APBA3: variants seen among roughly 807,000 people sequenced by gnomAD.
APBA3 encodes the protein amyloid-beta A4 precursor protein-binding family A member 3.
Under a neutral mutation model 55.9 loss-of-function variants are expected in APBA3, and 45 were observed. The observed-to-expected ratio is 0.80, with a 90% CI of 0.63 to 1.03. APBA3 has a LOEUF of 1.03. Ranked by LOEUF, APBA3 falls within the 50% of genes least tolerant of loss-of-function variation. The pLI is 0.00. For synonymous variants in APBA3, 370 were observed against 353.3 expected, an observed-to-expected ratio of 1.05 and a Z score of -0.53; for missense variants, 865 against 820.3, an observed-to-expected ratio of 1.05 and a Z score of -0.67.
rs1253757902 is a variant in APBA3, at chr19:3,750,822, T to TAGTGGCTTCC, written c.*194_*203dup. ...AGAGTATTTTCACAGCACCGGCTTC[T>TAGTGGCTTCC]AGTGGCTTCCAGGAAGGACAAGGTC... is the stretch of plus-strand genomic sequence containing the variant. On this transcript the variant is annotated 3_prime_UTR_variant, in exon 11 of 11. Transcript: ENST00000316757. The TAGTGGCTTCC allele has an allele frequency of 1.4e-5, 14 of 982,064 alleles. No homozygotes were observed. Among genetic ancestry groups the TAGTGGCTTCC allele is most frequent in the Non-Finnish European group, 1.7e-5 (11 of 649,058 alleles). 60.8% of individuals were successfully genotyped at this position (982,064 alleles called of 1,614,324 possible). A position where few individuals can be genotyped will look rare whatever the true frequency, so the allele number is the denominator to read the frequency against.
intron 3 of APBA3, among the ~76,000 whole-genome samples, chr19:3,758,683 G>C (rs566082115): frequency 6.6e-6 from 1 of 152,040 alleles, no homozygotes. Flanking sequence ...TTCAACACCA[G>C]CCTGGCCAAC....
At position 3,752,890 on chromosome 19, in the gene APBA3, G is replaced by C; in HGVS notation, c.1112C>G (p.Pro371Arg). ...GIDPSQVGVH[P>R]SPGACHLHNG... ...ATGGAGGTGGCAGGCGCCTGGGCTC[G>C]GGTGCACGCCCACCTGGCTGGGGTC... The change falls in exon 7 of 11, where the codon CCG (proline) becomes CGG (arginine). Residue 371 changes from proline (P) to arginine (R), a missense_variant. Physicochemically the swap from Pro to Arg is moderately radical, Grantham distance 103. Coordinates refer to ENST00000316757, the MANE Select transcript of APBA3 (RefSeq NM_004886.4). The C allele has an allele frequency of 3.1e-6, 5 of 1,613,310 alleles. No individual in the cohort carries two copies. Among genetic ancestry groups the C allele is most frequent in the African/African-American group, 1.3e-5 (1 of 75,032 alleles).
rs760055961 is a variant in APBA3, at chr19:3,759,614, G to A, written c.577-14C>T. On this transcript the variant is annotated splice_polypyrimidine_tract_variant and intron_variant, in intron 2 of 10. Coordinates refer to ENST00000316757, the MANE Select transcript of APBA3 (RefSeq NM_004886.4). ...GGTCTCGGGGCTCTGGAAGAAGATAGAGGAGGGGCAGGACTGAGTCTCCCT... is the reference window on the plus strand; with the variant it reads ...GGTCTCGGGGCTCTGGAAGAAGATAAAGGAGGGGCAGGACTGAGTCTCCCT... The A allele has an allele frequency of 6.2e-6, 10 of 1,601,606 alleles. No individual in the cohort carries two copies. The highest frequency in any genetic ancestry group is 1.1e-5 in the South Asian group (1 of 89,984).
rs1195452033 is a variant in APBA3 at position 3,751,039 on chromosome 19, G to A, written c.1715C>T (p.Pro572Leu). Residue 572 changes from proline to leucine, a missense_variant, in exon 11 of 11, where the codon CCC (proline) becomes CTC (leucine). By Grantham distance (98) the Pro-to-Leu change is moderately conservative. Coordinates refer to ENST00000316757, the MANE Select transcript of APBA3 (RefSeq NM_004886.4). ...TYRLLTGQEQ[P>L]VYL ...GGGATGAGGTGGTCACAGGTACACG[G>A]GCTGCTCCTGGCCTGTAAGGAGGCG... The A allele has an allele frequency of 7.0e-6, 11 of 1,561,234 alleles. No homozygotes were observed. The highest frequency in any genetic ancestry group is 6.8e-5 in the African/African-American group (5 of 73,600).
At chr19:3,754,424 G>T (rs547069782) in intron 3 of APBA3, 84 bp from the exon 4 acceptor site, 1 of 1,485,842 alleles carries the variant, frequency 6.7e-7, no homozygotes, top group Admixed American at 2.7e-5. Context: ...CGAGATGGCC[G>T]GGAGACACAG....
At position 3,758,307 on chromosome 19, in the gene APBA3, G is replaced by T. The variant is rs553548288; in HGVS notation, c.616+1254C>A. Among the ~76,000 whole-genome samples the T allele has an allele frequency of 8.5e-5, 13 of 152,110 alleles. No homozygotes were observed. The East Asian group carries it at 2.5e-3, about 29-fold the overall frequency. ...CTCGCTCTGTTGCCTAGGCTGTAGTGCAGTGGCGTGGGGTGATCTCAGCTC... is the reference window on the plus strand; with the variant it reads ...CTCGCTCTGTTGCCTAGGCTGTAGTTCAGTGGCGTGGGGTGATCTCAGCTC... On this transcript the variant is annotated intron_variant, in intron 3 of 10. Coordinates refer to ENST00000316757, the MANE Select transcript of APBA3 (RefSeq NM_004886.4).
In APBA3 at chr19:3,760,128, C is replaced by T. The variant is rs201145988; in HGVS notation, c.137G>A (p.Ser46Asn). Residue 46 changes from serine to asparagine, a missense_variant, in exon 2 of 11, where the codon AGC becomes AAC. Physicochemically the swap from Ser to Asn is conservative, Grantham distance 46 (BLOSUM62 1). Coordinates refer to ENST00000316757, the MANE Select transcript of APBA3 (RefSeq NM_004886.4). ...CTCATCAAGTTCCATCCGACTGAGG[C>T]TGCCGGGGCCTCCTGGCATAGGGTC... ...QWDPMPGGPGSLSRMELDESS... is the reference protein window; with the variant it reads ...QWDPMPGGPGNLSRMELDESS... 129 of 1,613,358 alleles carry T rather than the reference C, an allele frequency of 8.0e-5. No homozygotes were observed. Among genetic ancestry groups the T allele is most frequent in the Non-Finnish European group, 8.6e-5 (102 of 1,180,048 alleles).
chr19:3,754,133 G>T, intron 4 of APBA3, 28 bp from the exon 5 acceptor site: 1 of 1,568,738 alleles, frequency 6.4e-7, no homozygotes. Flanking sequence ...GGAGGTGGAG[G>T]CCCCCACAGA....
At chr19:3,754,552 G>C (rs994847647) in intron 3 of APBA3, 5 of 587,760 alleles carry the variant, frequency 8.5e-6, no homozygotes, top group African/African-American at 7.9e-5. Context: ...TCAAGGACTC[G>C]CAGGTGGGAA....
chr19:3,752,558 C>T lies in APBA3; in HGVS notation c.1345G>A (p.Gly449Arg), dbSNP rs199521091. ...SIGDRLTAIN[G>R]TSLVGLPLAA... ...AGGGGCAGCCCCACCAGGCTGGTCC[C>T]GTTGATGGCGGTCAGGCGGTCCCCG... Residue 449 changes from glycine (G) to arginine (R), a missense_variant, in exon 8 of 11, where the codon GGG becomes AGG. By Grantham distance (125) the Gly-to-Arg change is moderately radical. Coordinates refer to ENST00000316757, the MANE Select transcript of APBA3 (RefSeq NM_004886.4). 7.1e-4 allele frequency: 1,134 copies of T among 1,589,406 alleles called. 1 individual carries two copies. The highest frequency in any genetic ancestry group is 1.5e-3 in the Admixed American group (85 of 57,080).
At chr19:3,760,899 T>C (rs1191130779) in intron 1 of APBA3, among the ~76,000 whole-genome samples, 1 of 151,746 alleles carries the variant, frequency 6.6e-6, no homozygotes, top group East Asian at 1.9e-4. Context: ...GGTGACAGAG[T>C]GAGGCCCTGT....
At position 3,754,031 on chromosome 19, in the gene APBA3, T is replaced by C. The variant is rs748352093; in HGVS notation, c.837A>G (p.Thr279=). ...FVSTKRIKVL[T]ADSQEAMMDH... is the part of the protein sequence containing the mutation. Reference sequence around the variant, plus strand: ...CCCTGCCCCGTACCTGGGAGTCCGCTGTCAAGACCTTGATCCTCTTGGTGG... The same window carrying C: ...CCCTGCCCCGTACCTGGGAGTCCGCCGTCAAGACCTTGATCCTCTTGGTGG... The change falls in exon 5 of 11, where the codon ACA becomes ACG. Residue 279 remains threonine (T), a synonymous_variant. Coordinates refer to ENST00000316757, the MANE Select transcript of APBA3 (RefSeq NM_004886.4). 6.2e-6 allele frequency: 10 copies of C among 1,610,320 alleles called. No individual in the cohort carries two copies. Among genetic ancestry groups the C allele is most frequent in the Non-Finnish European group, 6.8e-6 (8 of 1,178,402 alleles).
At chr19:3,755,147 C>A (rs2037061759) in intron 3 of APBA3, 1 of 152,214 alleles carries the variant, frequency 6.6e-6, no homozygotes. Flanking sequence ...CCACTCAGAA[C>A]AGAGACAGAC....
At chr19:3,759,143 C>T (rs567947468) in intron 3 of APBA3, among the ~76,000 whole-genome samples, 1 of 152,212 alleles carries the variant, frequency 6.6e-6, no homozygotes, top group South Asian at 2.1e-4. Context: ...GTGGGAGGAT[C>T]GCTTGAACCT....
chr19:3,758,419 T>G (rs902544867), intron 3 of APBA3, among the ~76,000 whole-genome samples: 56 of 151,608 alleles, frequency 3.7e-4, no homozygotes, highest in Non-Finnish European at 4.9e-4. Flanking sequence ...CCGCCACACC[T>G]GGCTAACTTT....
At chr19:3,757,600 C>A (rs1447665278) in intron 3 of APBA3, among the ~76,000 whole-genome samples, 2 of 152,094 alleles carry the variant, frequency 1.3e-5, no homozygotes, top group Non-Finnish European at 2.9e-5. Context: ...GGCACGGTGG[C>A]GGACGCTTGT....
chr19:3,753,052 C>G, intron 6 of APBA3, 62 bp from the exon 7 acceptor site: 1 of 1,575,558 alleles, frequency 6.3e-7, no homozygotes, highest in South Asian at 1.1e-5. Flanking sequence ...TCCCCAAAGT[C>G]CCCAGGGTCC....
chr19:3,760,491 G>A (rs1434706811), intron 1 of APBA3, among the ~76,000 whole-genome samples, 190 bp from the exon 2 acceptor site: 1 of 151,448 alleles, frequency 6.6e-6, no homozygotes, highest in East Asian at 1.9e-4. Flanking sequence ...GCTCACGCCT[G>A]TAATTCCCAG....
intron 2 of APBA3, 33 bp from the exon 3 acceptor site, chr19:3,759,633 T>G: frequency 6.2e-7 from 1 of 1,602,396 alleles, no homozygotes; most frequent in Non-Finnish European, 8.5e-7. Context: ...CAGGACTGAG[T>G]CTCCCTGCTT....
Sources: allele counts gnomAD v4.1 joint callset (sites outside exome capture counted in the v4.1 genomes callset), GRCh38; gene constraint gnomAD v4.1.1; transcripts MANE v1.5; gene names NCBI Gene and HGNC (gene_info 2026-07-23, HGNC 2026-07-21).